Variants in KATNAL1 observed in about 807,000 individuals in gnomAD.
KATNAL1 encodes katanin p60 ATPase-containing subunit A-like 1.
A neutral mutation model predicts 55.2 loss-of-function variants in KATNAL1; 32 were observed. That is an observed-to-expected ratio of 0.58 (90% confidence interval 0.44 to 0.78). KATNAL1 has a LOEUF of 0.78. Ranked by LOEUF, KATNAL1 falls within the 30% of genes least tolerant of loss-of-function variation. KATNAL1 has a pLI of 0.00. For synonymous variants in KATNAL1, 193 were observed against 193.6 expected, an observed-to-expected ratio of 1.00 and a Z score of 0.02; for missense variants, 466 against 600.9, an observed-to-expected ratio of 0.78 and a Z score of 2.35.
At chr13:30,277,096 T>G (rs943578305) in intron 3 of KATNAL1, among the ~76,000 whole-genome samples, 1 of 152,192 alleles carries the variant, frequency 6.6e-6, no homozygotes, top group Non-Finnish European at 1.5e-5. Flanking sequence ...CTTGGACATT[T>G]AAAAAGCCAT....
intron 3 of KATNAL1, among the ~76,000 whole-genome samples, chr13:30,271,961 T>C (rs934473400): frequency 6.7e-6 from 1 of 150,156 alleles, no homozygotes; most frequent in Non-Finnish European, 1.5e-5. Flanking sequence ...AAGAAGATGG[T>C]CAACATTATC....
intron 9 of KATNAL1, among the ~76,000 whole-genome samples, chr13:30,215,672 A>C (rs920868208): frequency 2.0e-5 from 3 of 152,160 alleles, no homozygotes; most frequent in Admixed American, 6.5e-5. Flanking sequence ...AACTATCACA[A>C]GAACAAAAAA....
chr13:30,296,785 G>T, intron 1 of KATNAL1: 1 of 442,902 alleles, frequency 2.3e-6, no homozygotes, highest in Non-Finnish European at 4.5e-6. Context: ...GCCTGTGCTG[G>T]GTGCTCACCT....
intron 3 of KATNAL1, among the ~76,000 whole-genome samples, chr13:30,267,861 A>T (rs949039641): frequency 1.3e-5 from 2 of 152,316 alleles, no homozygotes; most frequent in Admixed American, 1.3e-4. Flanking sequence ...AGGGCTGGAG[A>T]TTTATTGACA....
chr13:30,253,473 C>T (rs1232527764), intron 4 of KATNAL1, among the ~76,000 whole-genome samples: 1 of 151,814 alleles, frequency 6.6e-6, no homozygotes, highest in African/African-American at 2.4e-5. Context: ...ACCATCCTGG[C>T]TAACATGGTG....
intron 6 of KATNAL1, among the ~76,000 whole-genome samples, chr13:30,238,128 CAA>C (rs1052618083): frequency 7.9e-5 from 12 of 152,146 alleles, no homozygotes; most frequent in African/African-American, 2.9e-4. Flanking sequence ...CCTACCTGCT[CAA>C]AGAGGTCTCC....
At chr13:30,281,010 A>G (rs1441373003) in intron 2 of KATNAL1, among the ~76,000 whole-genome samples, 1 of 151,546 alleles carries the variant, frequency 6.6e-6, no homozygotes, top group Non-Finnish European at 1.5e-5. Flanking sequence ...GTGCGAGTCT[A>G]TAGTCCTAGC....
In KATNAL1 at chr13:30,227,538, CT is replaced by C. The variant is rs1406408829; in HGVS notation, c.1020del (p.Gly341GlufsTer3). 6.2e-7 allele frequency: 1 copy of C among 1,613,678 alleles called. No individual in the cohort carries two copies. The highest frequency in any genetic ancestry group is 8.5e-7 in the Non-Finnish European group (1 of 1,179,712). The stretch of plus-strand genomic sequence containing the variant: ...GAAGGATCATCATTTTCTAAAGCTC[CT>C]CCAACTCCTATACACAGTAAGGGAG... ...SELLIQMDGV[G>X]GALENDDPSK... On this transcript the variant is annotated frameshift_variant, in exon 9 of 11. Coordinates refer to ENST00000380615, the MANE Select transcript of KATNAL1 (RefSeq NM_032116.5). LOFTEE classifies it high-confidence loss of function.
chr13:30,281,184 T>TA (rs1185510693), intron 2 of KATNAL1, among the ~76,000 whole-genome samples: 1 of 150,852 alleles, frequency 6.6e-6, no homozygotes, highest in Non-Finnish European at 1.5e-5. Flanking sequence ...AACAATTCTT[T>TA]TTTTTTTAAC....
intron 9 of KATNAL1, chr13:30,210,650 GAAA>G (rs33951005): frequency 0.57 from 69,477 of 121,132 alleles, 18,643 homozygotes; most frequent in Admixed American, 0.69. Context: ...ACTAAAAATT[GAAA>G]AAAAAAAAAA....
intron 3 of KATNAL1, among the ~76,000 whole-genome samples, chr13:30,267,298 C>T (rs1185899166): frequency 6.6e-6 from 1 of 152,218 alleles, no homozygotes; most frequent in Non-Finnish European, 1.5e-5. Context: ...AACTTCTACT[C>T]TACAGATAAT....
rs181398642 is a variant in KATNAL1 at position 30,286,461 on chromosome 13, T to G, written c.-14-2670A>C. Among the ~76,000 whole-genome samples the G allele has an allele frequency of 3.0e-3, 460 of 152,360 alleles. 3 individuals carry two copies. Among genetic ancestry groups the G allele is most frequent in the African/African-American group, 0.011 (445 of 41,584 alleles). ...GCCCCAAGTTTTGGCAGCTTCCACA[T>G]GGTGCTGGGCCTGCAAGTGCACAGG... On this transcript the variant is annotated intron_variant, in intron 1 of 10. Coordinates refer to ENST00000380615, the MANE Select transcript of KATNAL1 (RefSeq NM_032116.5).
intron 10 of KATNAL1, among the ~76,000 whole-genome samples, chr13:30,209,174 T>C (rs1430821375): frequency 1.3e-5 from 2 of 152,192 alleles, no homozygotes; most frequent in African/African-American, 4.8e-5. Context: ...CTCTGAAACA[T>C]GAATATCCAC....
intron 9 of KATNAL1, among the ~76,000 whole-genome samples, chr13:30,225,862 A>G (rs868444727): frequency 2.0e-5 from 3 of 152,320 alleles, no homozygotes; most frequent in South Asian, 4.1e-4. Flanking sequence ...AAGAGATACC[A>G]TAAAGAAAAT....
At chr13:30,296,633 G>T (rs565071287) in intron 1 of KATNAL1, 1 of 696,044 alleles carries the variant, frequency 1.4e-6, no homozygotes, top group African/African-American at 1.8e-5. Flanking sequence ...TCCAGTACAC[G>T]GACGAGCACA....
intron 8 of KATNAL1, among the ~76,000 whole-genome samples, chr13:30,229,723 CA>C (rs542284780): frequency 6.7e-6 from 1 of 149,604 alleles, no homozygotes; most frequent in South Asian, 2.1e-4. Context: ...GAACCTTAAA[CA>C]AAAAAAATTA....
chr13:30,239,416 T>C (rs1355843996), intron 6 of KATNAL1, among the ~76,000 whole-genome samples: 1 of 152,008 alleles, frequency 6.6e-6, no homozygotes, highest in Non-Finnish European at 1.5e-5. Context: ...TCTCAAAAAA[T>C]AAATAAAATA....
At chr13:30,239,640 A>C (rs1198752049) in intron 6 of KATNAL1, among the ~76,000 whole-genome samples, 1 of 152,108 alleles carries the variant, frequency 6.6e-6, no homozygotes, top group Non-Finnish European at 1.5e-5. Flanking sequence ...CAGCAAGGAC[A>C]AAATAAATTG....
In KATNAL1 at chr13:30,240,504, T is replaced by A. The variant is rs182471772; in HGVS notation, c.682A>T (p.Met228Leu). 6.2e-7 allele frequency: 1 copy of A among 1,613,904 alleles called. No individual in the cohort carries two copies. The highest frequency in any genetic ancestry group is 1.7e-5 in the Admixed American group (1 of 60,026). Residue 228 changes from methionine (M) to leucine (L), a missense_variant, in exon 6 of 11, where the codon ATG becomes TTG. By Grantham distance (15) the Met-to-Leu change is conservative (BLOSUM62 2). This residue lies in a region of KATNAL1 where 248 missense variants were observed against 275.5 expected (regional missense o/e 0.90). Coordinates refer to ENST00000380615, the MANE Select transcript of KATNAL1 (RefSeq NM_032116.5). ...CCTTTGAAAAAGTCAGGCATCCACATTGGAAGAACAACAGCTTCCCTTAGC... is the reference window on the plus strand; with the variant it reads ...CCTTTGAAAAAGTCAGGCATCCACAATGGAAGAACAACAGCTTCCCTTAGC... Reference protein sequence around the residue: ...KLLREAVVLPMWMPDFFKGIR... With the variant: ...KLLREAVVLPLWMPDFFKGIR...
Sources: gnomAD v4.1 joint callset for allele counts (sites outside exome capture counted in the v4.1 genomes callset) on GRCh38, gnomAD v4.1.1 for gene constraint, gnomAD v4.1.1 regional missense constraint, MANE v1.5 for transcripts, NCBI Gene and HGNC (gene_info 2026-07-23, HGNC 2026-07-21) for gene names.